The following SPRED1 variants were observed in gnomAD, a reference collection of about 807,000 sequenced individuals.
The protein encoded by SPRED1 is sprouty related EVH1 domain containing 1.
Under a neutral mutation model 52.3 loss-of-function variants are expected in SPRED1, and 18 were observed. The ratio of observed to expected loss-of-function variants is 0.34; its 90% CI spans 0.24 to 0.51. The LOEUF (loss-of-function observed/expected upper bound fraction) is 0.51. Among genes scored for constraint, SPRED1 ranks in the 20% least tolerant of loss-of-function variants. SPRED1 has a pLI of 0.97. For missense variants in SPRED1, 485 were observed against 551.0 expected, an observed-to-expected ratio of 0.88 and a Z score of 1.20; for synonymous variants, 155 against 179.7, an observed-to-expected ratio of 0.86 and a Z score of 1.10.
intron 1 of SPRED1, among the ~76,000 whole-genome samples, chr15:38,262,598 G>A (rs1395830370): frequency 6.6e-6 from 1 of 152,210 alleles, no homozygotes; most frequent in African/African-American, 2.4e-5. Flanking sequence ...GGAAAGTGTT[G>A]AGGGACCAGA....
intron 1 of SPRED1, among the ~76,000 whole-genome samples, chr15:38,294,295 A>G (rs1044055384): frequency 1.3e-5 from 2 of 152,176 alleles, no homozygotes; most frequent in East Asian, 3.8e-4. Context: ...TTCCTGTTAT[A>G]CTGTACAAAT....
At chr15:38,279,874 A>C (rs1371715793) in intron 1 of SPRED1, among the ~76,000 whole-genome samples, 2 of 152,220 alleles carry the variant, frequency 1.3e-5, no homozygotes, top group African/African-American at 4.8e-5. Flanking sequence ...AGGAGTCTTC[A>C]GTGTTTCATG....
intron 1 of SPRED1, among the ~76,000 whole-genome samples, chr15:38,254,200 TTAAG>T (rs1237843165): frequency 6.6e-6 from 1 of 152,184 alleles, no homozygotes; most frequent in Non-Finnish European, 1.5e-5. Flanking sequence ...TTGGAAAGAG[TTAAG>T]TGAGTTAGGA....
intron 2 of SPRED1, among the ~76,000 whole-genome samples, chr15:38,305,617 G>C (rs980327537): frequency 1.3e-5 from 2 of 148,374 alleles, no homozygotes; most frequent in African/African-American, 2.5e-5. Flanking sequence ...TGGGTGTGGG[G>C]ATTGGCTAAA....
At chr15:38,263,890 G>A (rs777490001) in intron 1 of SPRED1, among the ~76,000 whole-genome samples, 95 of 152,298 alleles carry the variant, frequency 6.2e-4, no homozygotes, top group Non-Finnish European at 9.3e-4. Flanking sequence ...ATTCAAAGCC[G>A]TCCTGCCACA....
intron 1 of SPRED1, among the ~76,000 whole-genome samples, chr15:38,261,808 T>A (rs1339390234): frequency 6.6e-6 from 1 of 152,230 alleles, no homozygotes; most frequent in African/African-American, 2.4e-5. Flanking sequence ...GCTGTTCATG[T>A]AGTTAGGAAT....
chr15:38,349,871 A>T (rs1021372534), intron 6 of SPRED1, among the ~76,000 whole-genome samples: 1 of 152,202 alleles, frequency 6.6e-6, no homozygotes, highest in East Asian at 1.9e-4. Context: ...ACTGAGTCAG[A>T]TGCTTACTTG....
chr15:38,351,465 G>T lies in SPRED1; in HGVS notation c.1136G>T (p.Cys379Phe). 6.2e-7 allele frequency: 1 copy of T among 1,614,152 alleles called. No individual in the cohort carries two copies. The highest frequency in any genetic ancestry group is 8.5e-7 in the Non-Finnish European group (1 of 1,180,008). The change falls in exon 7 of 7, where the codon TGT becomes TTT. Residue 379 changes from cysteine to phenylalanine, a missense_variant. Transcript: ENST00000299084. Reference protein sequence around the residue: ...MLCAESMLYHCMSDSEGDFSD... With the variant: ...MLCAESMLYHFMSDSEGDFSD... ...TGTGCAGAGAGCATGTTGTATCATT[G>T]TATGTCAGACTCAGAGGGAGATTTT...
chr15:38,278,249 A>G (rs1009593621), intron 1 of SPRED1, among the ~76,000 whole-genome samples: 1 of 152,174 alleles, frequency 6.6e-6, no homozygotes, highest in East Asian at 1.9e-4. Context: ...TGGGAGGTCC[A>G]GGTGGGCAGA....
intron 2 of SPRED1, among the ~76,000 whole-genome samples, chr15:38,315,889 G>A (rs1182937283): frequency 2.0e-5 from 3 of 151,824 alleles, no homozygotes; most frequent in East Asian, 3.9e-4. Flanking sequence ...ACTATGTGTC[G>A]GGCAGTATTT....
In SPRED1 at chr15:38,356,724, A is replaced by G. The variant is rs1888630328; in HGVS notation, c.*5060A>G. 1 of 151,772 alleles carries G rather than the reference A, an allele frequency of 6.6e-6. No individual in the cohort carries two copies. The highest frequency in any genetic ancestry group is 1.9e-4 in the East Asian group (1 of 5,198). The allele number at this position is 151,772 out of a possible 1,614,324, so 9.4% of individuals were successfully genotyped here. A position where few individuals can be genotyped will look rare whatever the true frequency, so the allele number is the denominator to read the frequency against. ...AGCTAAGCTAATGACCTTAAGTGGCAATTGTTTAACCCAGGACTACTGATT... is the reference window on the plus strand; with the variant it reads ...AGCTAAGCTAATGACCTTAAGTGGCGATTGTTTAACCCAGGACTACTGATT... On this transcript the variant is annotated 3_prime_UTR_variant, in exon 7 of 7. Coordinates refer to ENST00000299084, the MANE Select transcript of SPRED1 (RefSeq NM_152594.3).
At chr15:38,330,121 C>T (rs1325430737) in intron 4 of SPRED1, among the ~76,000 whole-genome samples, 3 of 152,144 alleles carry the variant, frequency 2.0e-5, no homozygotes, top group Non-Finnish European at 4.4e-5. Flanking sequence ...GATCTACAGA[C>T]AGTAAACAAT....
chr15:38,278,903 C>T lies in SPRED1; in HGVS notation c.33-20470C>T, dbSNP rs985993490. On this transcript the variant is annotated intron_variant, in intron 1 of 6. Transcript: ENST00000299084. ...AGTGCAGTGGCGGAATCTTAGCTCA[C>T]TGCAACCTCTGCCTCCTGGGTTCAA... is the stretch of plus-strand genomic sequence containing the variant. 5.0e-5 allele frequency among the ~76,000 whole-genome samples: 7 copies of T among 139,304 alleles called. 1 individual carries two copies. The highest frequency in any genetic ancestry group is 1.6e-4 in the Admixed American group (2 of 12,390). The allele number at this position is 139,304 out of a possible 152,430, so 91.4% of individuals were successfully genotyped here. A position where few individuals can be genotyped will look rare whatever the true frequency, so the allele number is the denominator to read the frequency against.
chr15:38,308,774 G>C (rs1238591329), intron 2 of SPRED1, among the ~76,000 whole-genome samples: 4 of 152,150 alleles, frequency 2.6e-5, no homozygotes, highest in African/African-American at 7.2e-5. Context: ...ATATAACGTT[G>C]CTGTGAACAT....
Position 38,352,008 on chromosome 15 carries a change from A to G in SPRED1, c.*344A>G, listed in dbSNP as rs1366932145. 3 of 288,910 alleles carry G rather than the reference A, an allele frequency of 1.0e-5. No homozygotes were observed. The highest frequency in any genetic ancestry group is 2.0e-5 in the Non-Finnish European group (3 of 153,300). The allele number at this position is 288,910 out of a possible 1,614,324, so 17.9% of individuals were successfully genotyped here. A position where few individuals can be genotyped will look rare whatever the true frequency, so the allele number is the denominator to read the frequency against. On this transcript the variant is annotated 3_prime_UTR_variant, in exon 7 of 7. Coordinates refer to ENST00000299084, the MANE Select transcript of SPRED1 (RefSeq NM_152594.3). ...AGGTGATGGGACTTTTAAAGGTTTGAATTTATTAGGACACGAACTAAAAAT... is the reference window on the plus strand; with the variant it reads ...AGGTGATGGGACTTTTAAAGGTTTGGATTTATTAGGACACGAACTAAAAAT...
chr15:38,295,937 A>G (rs987029311), intron 1 of SPRED1, among the ~76,000 whole-genome samples: 1 of 152,148 alleles, frequency 6.6e-6, no homozygotes, highest in Non-Finnish European at 1.5e-5. Flanking sequence ...TGGAGAGAAA[A>G]GGAAGAGTCG....
intron 1 of SPRED1, among the ~76,000 whole-genome samples, chr15:38,296,086 A>G (rs147090685): frequency 1.3e-5 from 2 of 152,270 alleles, no homozygotes; most frequent in African/African-American, 4.8e-5. Flanking sequence ...GTTTTTCCTT[A>G]TAATGGACAC....
intron 1 of SPRED1, among the ~76,000 whole-genome samples, chr15:38,270,724 CAG>C (rs1894414700): frequency 6.6e-6 from 1 of 152,158 alleles, no homozygotes; most frequent in Non-Finnish European, 1.5e-5. Context: ...AGTGGGGACA[CAG>C]AGCCAAACCA....
At chr15:38,345,187 C>T (rs922844800) in intron 5 of SPRED1, among the ~76,000 whole-genome samples, 11 of 152,104 alleles carry the variant, frequency 7.2e-5, no homozygotes, top group African/African-American at 2.7e-4. Context: ...GGACTAAAGT[C>T]GTCTTCAGAG....
Sources: allele counts gnomAD v4.1 joint callset (sites outside exome capture counted in the v4.1 genomes callset), GRCh38; gene constraint gnomAD v4.1.1; transcripts MANE v1.5; gene names NCBI Gene and HGNC (gene_info 2026-07-23, HGNC 2026-07-21).